The following ANKRD49 variants were observed in gnomAD, a reference collection of about 807,000 sequenced individuals.
ANKRD49 encodes the protein ankyrin repeat domain-containing protein 49.
Under a neutral mutation model 19.6 loss-of-function variants are expected in ANKRD49, and 18 were observed. The observed-to-expected ratio is 0.92, with a 90% confidence interval of 0.63 to 1.36. ANKRD49 has a LOEUF of 1.36. Among genes scored for constraint, ANKRD49 ranks in the 40% most tolerant of loss-of-function variants. The pLI is 0.00. For synonymous variants in ANKRD49, 88 were observed against 101.8 expected (o/e 0.86, Z 0.82); for missense variants, 218 against 281.6 (o/e 0.77, Z 1.62).
intron 1 of ANKRD49, among the ~76,000 whole-genome samples, chr11:94,496,370 TATA>T (rs1947418610): frequency 6.6e-6 from 1 of 152,120 alleles, no homozygotes; most frequent in South Asian, 2.1e-4. Flanking sequence ...AAATAATAGT[TATA>T]ATAATATAAT....
rs1045495664 is a variant in ANKRD49 at position 94,496,558 on chromosome 11, G to C, written c.-90-46G>C. 3 of 787,638 alleles carry C rather than the reference G, an allele frequency of 3.8e-6. No individual in the cohort carries two copies. In the East Asian group the frequency reaches 7.8e-5, roughly 20 times the overall value. 48.8% of individuals were successfully genotyped at this position (787,638 alleles called of 1,614,324 possible). A position where few individuals can be genotyped will look rare whatever the true frequency, so the allele number is the denominator to read the frequency against. On this transcript the variant is annotated intron_variant, in intron 1 of 2. Coordinates refer to ENST00000544612, the MANE Select transcript of ANKRD49 (RefSeq NM_017704.3). Reference sequence around the variant, plus strand: ...AAGACTTATCTATGCAGTTGATAAAGCCTGAATTATTGTTTTACTAATAAC... The same window carrying C: ...AAGACTTATCTATGCAGTTGATAAACCCTGAATTATTGTTTTACTAATAAC...
rs911943213 is a variant in ANKRD49 at position 94,499,368 on chromosome 11, G to A, written c.*836G>A. 2 of 152,358 alleles carry A rather than the reference G, an allele frequency of 1.3e-5. No homozygotes were observed. The highest frequency in any genetic ancestry group is 2.9e-5 in the Non-Finnish European group (2 of 68,024). 9.4% of individuals were successfully genotyped at this position (152,358 alleles called of 1,614,324 possible). A position where few individuals can be genotyped will look rare whatever the true frequency, so the allele number is the denominator to read the frequency against. On this transcript the variant is annotated 3_prime_UTR_variant, in exon 3 of 3. Transcript: ENST00000544612. ...CTTGTATAGTCTCTCAAGTTCACAG[G>A]AAATGTTGATTTTCTAAGGTCCTCA...
At position 94,498,237 on chromosome 11, in the gene ANKRD49, G is replaced by A. The variant is rs1057152217; in HGVS notation, c.425G>A (p.Trp142Ter). ...GTTCATGCAGTGACTGTGGATGGCT[G>A]GACGCCCCTGCACAGTGCTTGTAAG... is the stretch of plus-strand genomic sequence containing the variant. ...ADVHAVTVDGWTPLHSACKWN... is the reference protein window; with the variant it reads ...ADVHAVTVDG Residue 142 changes from tryptophan to a stop codon, truncating the protein, a stop_gained, in exon 3 of 3, where the codon TGG (tryptophan) becomes TAG (stop). Coordinates refer to ENST00000544612, the MANE Select transcript of ANKRD49 (RefSeq NM_017704.3). LOFTEE classifies it high-confidence loss of function. 6.2e-7 allele frequency: 1 copy of A among 1,614,134 alleles called. No individual in the cohort carries two copies. The highest frequency in any genetic ancestry group is 8.5e-7 in the Non-Finnish European group (1 of 1,180,022).
At position 94,498,166 on chromosome 11, in the gene ANKRD49, T is replaced by C; in HGVS notation, c.354T>C (p.Ser118=). The C allele has an allele frequency of 6.2e-7, 1 of 1,614,170 alleles. No homozygotes were observed. The highest frequency in any genetic ancestry group is 2.2e-5 in the East Asian group (1 of 44,890). ...CCCCTCTTCATCGAGCAGCCTACAG[T>C]GGACACTTAGATATTGTTCAGGAGC... ...EYTPLHRAAY[S]GHLDIVQELI... The change falls in exon 3 of 3, where the codon AGT becomes AGC. Residue 118 remains serine, a synonymous_variant. Coordinates refer to ENST00000544612, the MANE Select transcript of ANKRD49 (RefSeq NM_017704.3).
At position 94,498,530 on chromosome 11, in the gene ANKRD49, T is replaced by C. The variant is rs111926028; in HGVS notation, c.718T>C (p.Ter240GlnextTer3). 1 of 1,603,348 alleles carries C rather than the reference T, an allele frequency of 6.2e-7. No homozygotes were observed. The highest frequency in any genetic ancestry group is 8.5e-7 in the Non-Finnish European group (1 of 1,174,398). ...CTGTACAAATTCTTCACCTCAGTCT[T>C]AACAATTCTAGTAATTTTCCTAAGT... ...EGCTNSSPQS[*>Q] The change falls in exon 3 of 3, where the codon TAA becomes CAA. Residue 240 changes from the stop codon to glutamine, a stop_lost. Coordinates refer to ENST00000544612, the MANE Select transcript of ANKRD49 (RefSeq NM_017704.3).
chr11:94,497,158 A>G, intron 2 of ANKRD49: 1 of 627,480 alleles, frequency 1.6e-6, no homozygotes, highest in Non-Finnish European at 2.8e-6. Flanking sequence ...CTATAAAGAT[A>G]GCAAGCAATC....
intron 1 of ANKRD49, 101 bp from the exon 2 acceptor site, chr11:94,496,503 T>G: frequency 5.7e-6 from 3 of 529,932 alleles, no homozygotes; most frequent in Non-Finnish European, 3.2e-6. Flanking sequence ...AAAACAAGAG[T>G]TTAGACAGGG....
At chr11:94,497,961 A>G (rs1947440053) in intron 2 of ANKRD49, 110 bp from the exon 3 acceptor site, 2 of 791,136 alleles carry the variant, frequency 2.5e-6, no homozygotes, top group Non-Finnish European at 3.9e-6. Flanking sequence ...TCATCTACTA[A>G]CAAGTAAGTT....
intron 1 of ANKRD49, among the ~76,000 whole-genome samples, chr11:94,496,046 G>C (rs766735761): frequency 6.6e-6 from 1 of 152,176 alleles, no homozygotes; most frequent in Non-Finnish European, 1.5e-5. Flanking sequence ...TTTTAAAGCA[G>C]TGAATTTTCC....
rs1339055890 is a variant in ANKRD49 at position 94,496,948 on chromosome 11, T to A, written c.255T>A (p.Asn85Lys). The change falls in exon 2 of 3, where the codon AAT becomes AAA. Residue 85 changes from asparagine (N) to lysine (K), a missense_variant. Asn to Lys is a moderately conservative substitution (Grantham distance 94). Transcript: ENST00000544612. ...SRLLLWAAEKNRLTTVRRLLS... is the reference protein window; with the variant it reads ...SRLLLWAAEKKRLTTVRRLLS... ...TGCTTCTTTGGGCTGCTGAAAAAAA[T>A]CGGGTAAAAAAAAAAATTACAGAGG... The A allele has an allele frequency of 6.2e-6, 10 of 1,610,962 alleles. No individual in the cohort carries two copies. Among genetic ancestry groups the A allele is most frequent in the Non-Finnish European group, 6.8e-6 (8 of 1,179,354 alleles).
intron 1 of ANKRD49, 51 bp from the exon 2 acceptor site, chr11:94,496,553 A>G: frequency 1.3e-6 from 1 of 766,830 alleles, no homozygotes; most frequent in Non-Finnish European, 2.0e-6. Context: ...TATGCAGTTG[A>G]TAAAGCCTGA....
intron 1 of ANKRD49, 111 bp downstream of exon 1, chr11:94,494,146 G>C (rs1314434816): frequency 6.6e-6 from 1 of 152,262 alleles, no homozygotes; most frequent in African/African-American, 2.4e-5. Flanking sequence ...GAGCCCTGCA[G>C]GTCAGGCCGC....
chr11:94,496,745 T>G lies in ANKRD49; in HGVS notation c.52T>G (p.Leu18Val). 1 of 1,611,274 alleles carries G rather than the reference T, an allele frequency of 6.2e-7. No individual in the cohort carries two copies. Reference sequence around the variant, plus strand: ...TGGAATACCAGACCAAGAGAATTCCTTGGATTTTTCTGAACACTTTAACCA... The same window carrying G: ...TGGAATACCAGACCAAGAGAATTCCGTGGATTTTTCTGAACACTTTAACCA... ...DDGIPDQENS[L>V]DFSEHFNQLE... Residue 18 changes from leucine to valine, a missense_variant, in exon 2 of 3, where the codon TTG (leucine) becomes GTG (valine). Transcript: ENST00000544612.
At chr11:94,494,452 T>TC (rs1947380134) in intron 1 of ANKRD49, among the ~76,000 whole-genome samples, 2 of 152,200 alleles carry the variant, frequency 1.3e-5, no homozygotes, top group Admixed American at 6.5e-5. Context: ...GGGTCCTTGA[T>TC]CTAGGGCAAG....
intron 1 of ANKRD49, among the ~76,000 whole-genome samples, chr11:94,495,884 T>C (rs1947412102): frequency 6.6e-6 from 1 of 152,218 alleles, no homozygotes; most frequent in Non-Finnish European, 1.5e-5. Context: ...ACATGGATCT[T>C]GCTCATTATT....
In ANKRD49 at chr11:94,498,053, T is replaced by TC. The variant is rs556657318; in HGVS notation, c.259-17dup. 1.5e-4 allele frequency: 227 copies of TC among 1,536,966 alleles called. 2 individuals are homozygous for TC. The African/African-American group carries it at 2.8e-3, about 19-fold the overall frequency. ...TTGGTTTGAGTTGAGTTGAAAGATT[T>TC]CTTTTTTTTCTTCTCAGCTTACCAC... On this transcript the variant is annotated splice_polypyrimidine_tract_variant and intron_variant, in intron 2 of 2. Transcript: ENST00000544612.
In ANKRD49 at chr11:94,496,910, G is replaced by A; in HGVS notation, c.217G>A (p.Asp73Asn). Reference sequence around the variant, plus strand: ...ATTGCAAGAAAAAAAAATGGAAAAAGACCCAAGCAGATTGCTTCTTTGGGC... The same window carrying A: ...ATTGCAAGAAAAAAAAATGGAAAAAAACCCAAGCAGATTGCTTCTTTGGGC... ...YRLQEKKMEK[D>N]PSRLLLWAAE... The change falls in exon 2 of 3, where the codon GAC becomes AAC. Residue 73 changes from aspartate to asparagine, a missense_variant. Transcript: ENST00000544612. The A allele has an allele frequency of 6.2e-7, 1 of 1,613,344 alleles. No homozygotes were observed. The highest frequency in any genetic ancestry group is 1.1e-5 in the South Asian group (1 of 91,056).
At chr11:94,494,251 G>C (rs1156681392) in intron 1 of ANKRD49, 1 of 152,300 alleles carries the variant, frequency 6.6e-6, no homozygotes, top group Non-Finnish European at 1.5e-5. Context: ...CTCCCGGCTG[G>C]TGGCAGAGTG....
chr11:94,497,086 A>G (rs1243427145), intron 2 of ANKRD49, 135 bp downstream of exon 2: 2 of 1,198,834 alleles, frequency 1.7e-6, no homozygotes, highest in Non-Finnish European at 2.4e-6. Context: ...ATGTACATGA[A>G]AGCACATATT....
Sources: allele counts gnomAD v4.1 joint callset (sites outside exome capture counted in the v4.1 genomes callset), GRCh38; gene constraint gnomAD v4.1.1; transcripts MANE v1.5; gene names NCBI Gene and HGNC (gene_info 2026-07-23, HGNC 2026-07-21).